Variants in ARHGEF12 observed in about 807,000 individuals in gnomAD.
ARHGEF12 encodes Rho guanine nucleotide exchange factor 12.
In ARHGEF12, 66 loss-of-function variants were observed where a neutral mutation model predicts 211.2. That is an observed-to-expected ratio of 0.31 (90% CI 0.26 to 0.38). The LOEUF is 0.38. Ranked by LOEUF, ARHGEF12 falls within the 10% of genes least tolerant of loss-of-function variation. ARHGEF12 has a pLI of 1.00. For synonymous variants in ARHGEF12, 592 were observed against 638.4 expected (o/e 0.93, Z 1.09); for missense variants, 1,429 against 1,869.5 (o/e 0.76, Z 4.34).
intron 4 of ARHGEF12, among the ~76,000 whole-genome samples, chr11:120,416,712 G>A (rs1368782657): frequency 6.6e-6 from 1 of 151,880 alleles, no homozygotes; most frequent in Non-Finnish European, 1.5e-5. Context: ...GTGCAGTGGC[G>A]CGATCTCGGC....
chr11:120,478,577 C>A (rs527976988), intron 37 of ARHGEF12, among the ~76,000 whole-genome samples, 188 bp downstream of exon 37: 2 of 152,204 alleles, frequency 1.3e-5, no homozygotes, highest in Admixed American at 6.5e-5. Flanking sequence ...CCCCACCCCC[C>A]TGCCTGGTTC....
intron 1 of ARHGEF12, among the ~76,000 whole-genome samples, chr11:120,362,046 A>G (rs1469989952): frequency 6.6e-6 from 1 of 152,230 alleles, no homozygotes; most frequent in Non-Finnish European, 1.5e-5. Context: ...AGGCATGTGA[A>G]TGATAGTGCT....
intron 39 of ARHGEF12, among the ~76,000 whole-genome samples, chr11:120,481,845 T>C (rs1443178257): frequency 1.3e-5 from 2 of 151,634 alleles, no homozygotes; most frequent in East Asian, 3.9e-4. Flanking sequence ...CTGCAAGCTC[T>C]GCCTTCCAGG....
chr11:120,357,757 A>G (rs963809138), intron 1 of ARHGEF12, among the ~76,000 whole-genome samples: 4 of 152,104 alleles, frequency 2.6e-5, no homozygotes, highest in South Asian at 2.1e-4. Context: ...TTTAGTAGAG[A>G]CAAGGTTTTG....
chr11:120,409,187 C>T (rs779995463), intron 3 of ARHGEF12: 6 of 510,900 alleles, frequency 1.2e-5, no homozygotes, highest in East Asian at 3.1e-5. Flanking sequence ...ATTTTTATTG[C>T]ACTGTCTTTT....
rs959808728 is a variant in ARHGEF12, at chr11:120,407,295, G to T, written c.57-443G>T. 6.8e-4 allele frequency among the ~76,000 whole-genome samples: 104 copies of T among 152,188 alleles called. 2 individuals carry two copies. Among genetic ancestry groups the T allele is most frequent in the Admixed American group, 6.7e-3 (103 of 15,278 alleles). ...CATCAGCAGGCTTAAAATGAGGCTT[G>T]CCTAAGGCTGCTTTTTAAATGTTAA... On this transcript the variant is annotated intron_variant, in intron 2 of 40. Transcript: ENST00000397843.
chr11:120,434,912 CT>C (rs1340966710), intron 11 of ARHGEF12, among the ~76,000 whole-genome samples: 8 of 152,300 alleles, frequency 5.3e-5, no homozygotes, highest in East Asian at 1.9e-4. Flanking sequence ...TTTGTACCCC[CT>C]ATTCCTCACA....
At chr11:120,445,873 T>C (rs528697558) in intron 16 of ARHGEF12, among the ~76,000 whole-genome samples, 1 of 150,510 alleles carries the variant, frequency 6.6e-6, no homozygotes, top group African/African-American at 2.4e-5. Flanking sequence ...CACTCCAGCC[T>C]GGGTGATAAG....
At chr11:120,423,600 A>T (rs939335224) in intron 6 of ARHGEF12, among the ~76,000 whole-genome samples, 3 of 148,966 alleles carry the variant, frequency 2.0e-5, no homozygotes, top group Non-Finnish European at 3.0e-5. Context: ...AAAAAGTTTT[A>T]TTTTTTTTTT....
At chr11:120,457,351 A>T (rs1233973212) in intron 23 of ARHGEF12, 101 bp downstream of exon 23, 1 of 1,382,444 alleles carries the variant, frequency 7.2e-7, no homozygotes, top group East Asian at 2.5e-5. Context: ...GAAGCCTGGC[A>T]TGGTGGTATG....
At chr11:120,446,605 A>G in intron 17 of ARHGEF12, 97 bp downstream of exon 17, 1 of 868,714 alleles carries the variant, frequency 1.2e-6, no homozygotes, top group Admixed American at 2.5e-5. Context: ...TTAGCACTAG[A>G]TAAACCATAT....
intron 28 of ARHGEF12, among the ~76,000 whole-genome samples, 173 bp from the exon 29 acceptor site, chr11:120,467,021 G>T (rs908957758): frequency 9.2e-5 from 14 of 152,188 alleles, no homozygotes; most frequent in African/African-American, 2.7e-4. Context: ...CCCCCATTAT[G>T]TGATTAAAGG....
intron 4 of ARHGEF12, among the ~76,000 whole-genome samples, chr11:120,416,185 T>C (rs780112189): frequency 2.0e-5 from 3 of 152,232 alleles, no homozygotes; most frequent in Non-Finnish European, 4.4e-5. Context: ...TGCTGTTTTT[T>C]TCTCTCCGAT....
At chr11:120,423,164 C>T (rs1319391135) in intron 6 of ARHGEF12, among the ~76,000 whole-genome samples, 1 of 151,954 alleles carries the variant, frequency 6.6e-6, no homozygotes, top group Non-Finnish European at 1.5e-5. Context: ...TATGGCCAAC[C>T]TCACTGATAA....
chr11:120,487,624 A>G lies in ARHGEF12; in HGVS notation c.*2547A>G. 1 of 214,834 alleles carries G rather than the reference A, an allele frequency of 4.7e-6. No individual in the cohort carries two copies. The allele number at this position is 214,834 out of a possible 1,614,324, so 13.3% of individuals were successfully genotyped here. On this transcript the variant is annotated 3_prime_UTR_variant, in exon 41 of 41. Transcript: ENST00000397843. ...GTTTTTTCTAAGTGACGTGACTAGA[A>G]GTTGAAATCTACTTCCCTGCTAAAG...
At chr11:120,419,994 G>T (rs1258831747) in intron 4 of ARHGEF12, among the ~76,000 whole-genome samples, 1 of 152,088 alleles carries the variant, frequency 6.6e-6, no homozygotes, top group African/African-American at 2.4e-5. Context: ...TATTCCTCTG[G>T]CTGGGGCCCT....
intron 38 of ARHGEF12, among the ~76,000 whole-genome samples, chr11:120,481,052 A>T (rs1329504277): frequency 6.6e-6 from 1 of 152,132 alleles, no homozygotes; most frequent in South Asian, 2.1e-4. Context: ...TTTTGAAATG[A>T]AATTTTTTGG....
At chr11:120,468,044 G>T (rs573055563) in intron 29 of ARHGEF12, among the ~76,000 whole-genome samples, 46 of 152,138 alleles carry the variant, frequency 3.0e-4, no homozygotes, top group Non-Finnish European at 5.6e-4. Flanking sequence ...TTTGAAGAAG[G>T]TTCATCCTTG....
At chr11:120,365,700 A>G (rs1943403995) in intron 1 of ARHGEF12, 1 of 152,198 alleles carries the variant, frequency 6.6e-6, no homozygotes, top group Admixed American at 6.5e-5. Context: ...GACATCTGTC[A>G]CCCTATGGAT....
Sources: gnomAD v4.1 joint callset for allele counts (sites outside exome capture counted in the v4.1 genomes callset) on GRCh38, gnomAD v4.1.1 for gene constraint, MANE v1.5 for transcripts, NCBI Gene and HGNC (gene_info 2026-07-23, HGNC 2026-07-21) for gene names.